SNX31: variants seen among roughly 807,000 people sequenced by gnomAD.
The protein encoded by SNX31 is sorting nexin-31.
Under a neutral mutation model 65.4 loss-of-function variants are expected in SNX31, and 58 were observed. The observed-to-expected ratio is 0.89, with a 90% CI of 0.72 to 1.10. The LOEUF is 1.10. Ranked by LOEUF, SNX31 falls within the 50% of genes least tolerant of loss-of-function variation. The pLI, the probability that SNX31 is intolerant of heterozygous loss-of-function variation, is 0.00. For synonymous variants in SNX31, 181 were observed against 190.1 expected (o/e 0.95, Z 0.39); for missense variants, 523 against 529.7 (o/e 0.99, Z 0.12).
Position 100,615,915 on chromosome 8 carries a change from A to G in SNX31, c.432+1705T>C, listed in dbSNP as rs374260583. 5.1e-3 allele frequency among the ~76,000 whole-genome samples: 769 copies of G among 149,688 alleles called. 3 individuals are homozygous for G. Among genetic ancestry groups the G allele is most frequent in the African/African-American group, 9.7e-3 (397 of 40,930 alleles). On this transcript the variant is annotated intron_variant, in intron 5 of 13. Transcript: ENST00000311812. Reference sequence around the variant, plus strand: ...CTCCTGAGTAGCTGGGACTACAGGCACCCGCCACCACGCCCGGCTAATTTT... The same window carrying G: ...CTCCTGAGTAGCTGGGACTACAGGCGCCCGCCACCACGCCCGGCTAATTTT...
chr8:100,583,112 C>CTT (rs113433451), intron 12 of SNX31, among the ~76,000 whole-genome samples: 15 of 144,300 alleles, frequency 1.0e-4, no homozygotes, highest in African/African-American at 3.8e-4. Context: ...TTCTTTCTTT[C>CTT]TTTTTTTTTT....
intron 3 of SNX31, among the ~76,000 whole-genome samples, chr8:100,635,295 G>A (rs72679788): frequency 0.028 from 4,199 of 149,688 alleles, 85 homozygotes; most frequent in Non-Finnish European, 0.043. Context: ...GCTGGAGTAC[G>A]GTGGTGCAAT....
intron 2 of SNX31, 37 bp from the exon 3 acceptor site, chr8:100,636,048 C>T (rs758487241): frequency 6.6e-7 from 1 of 1,505,438 alleles, no homozygotes; most frequent in Non-Finnish European, 9.2e-7. Flanking sequence ...GGCAGGTGAG[C>T]CGCCAGTTCA....
At chr8:100,587,650 A>G (rs1019929466) in intron 11 of SNX31, among the ~76,000 whole-genome samples, 3 of 152,220 alleles carry the variant, frequency 2.0e-5, no homozygotes, top group African/African-American at 7.2e-5. Flanking sequence ...GATGGTCCAC[A>G]TGGGTGGCTG....
chr8:100,649,691 G>A (rs1245106958), upstream of SNX31: 8 of 532,108 alleles, frequency 1.5e-5, no homozygotes, highest in East Asian at 1.8e-4. Flanking sequence ...GCCGGGCCGC[G>A]CCGCCTCCCA....
chr8:100,617,625 G>A lies in SNX31; in HGVS notation c.427C>T (p.Leu143=). 7 of 1,601,680 alleles carry A rather than the reference G, an allele frequency of 4.4e-6. No homozygotes were observed. The highest frequency in any genetic ancestry group is 6.0e-6 in the Non-Finnish European group (7 of 1,169,454). Residue 143 remains leucine (L), a synonymous_variant, in exon 5 of 14, where the codon CTA becomes TTA. Coordinates refer to ENST00000311812, the MANE Select transcript of SNX31 (RefSeq NM_152628.4). ...IITSDTAERV[L]EVVSHKIGLC... is the part of the protein sequence containing the mutation. ...GGAGTTTAAACAAAGCTTACCTCTA[G>A]GACTCTTTCAGCAGTGTCTGATGTT...
rs1285041994 is a variant in SNX31 at position 100,648,814 on chromosome 8, G to A, written c.141+460C>T. ...AACTAGAGACACACCTTTTTAAAGG[G>A]GGCAAACTTAAGAAACTCTCGAGAC... is the stretch of plus-strand genomic sequence containing the variant. On this transcript the variant is annotated intron_variant, in intron 2 of 13. Coordinates refer to ENST00000311812, the MANE Select transcript of SNX31 (RefSeq NM_152628.4). This position sits in a 1 kb window ranked among gnomAD's most constrained non-coding sequence, Gnocchi z 4.3. 6.6e-6 allele frequency among the ~76,000 whole-genome samples: 1 copy of A among 152,170 alleles called. No individual in the cohort carries two copies. The highest frequency in any genetic ancestry group is 6.5e-5 in the Admixed American group (1 of 15,276).
At chr8:100,627,988 A>G (rs1395218278) in intron 4 of SNX31, among the ~76,000 whole-genome samples, 1 of 152,214 alleles carries the variant, frequency 6.6e-6, no homozygotes, top group Non-Finnish European at 1.5e-5. Context: ...CACATGAAAA[A>G]ATGCTCATCA....
chr8:100,639,789 A>G (rs974507767), intron 2 of SNX31, among the ~76,000 whole-genome samples: 10 of 152,212 alleles, frequency 6.6e-5, no homozygotes, highest in African/African-American at 2.4e-4. Context: ...CCATTCTACA[A>G]TCAGTGCAAC....
chr8:100,630,401 A>G lies in SNX31; in HGVS notation c.257-10T>C. The G allele has an allele frequency of 6.2e-7, 1 of 1,610,944 alleles. No homozygotes were observed. The highest frequency in any genetic ancestry group is 1.1e-5 in the South Asian group (1 of 90,332). On this transcript the variant is annotated splice_polypyrimidine_tract_variant and intron_variant, in intron 3 of 13. Coordinates refer to ENST00000311812, the MANE Select transcript of SNX31 (RefSeq NM_152628.4). This position sits in a 1 kb window ranked among gnomAD's most constrained non-coding sequence, Gnocchi z 5.3. ...TTTGGGTCCATGGTTACTGAAAAAC[A>G]TGGACGGTGAGCCAGGTTAGCATGG...
intron 7 of SNX31, among the ~76,000 whole-genome samples, chr8:100,608,776 A>T (rs1816429387): frequency 6.6e-6 from 1 of 152,158 alleles, no homozygotes; most frequent in Non-Finnish European, 1.5e-5. Flanking sequence ...GGAGGGCTCT[A>T]AGAGTAAAGA....
In SNX31 at chr8:100,660,300, G is replaced by T. The variant is rs1227410364; in HGVS notation, c.-58+2842C>A. Among the ~76,000 whole-genome samples the T allele has an allele frequency of 6.6e-6, 1 of 152,208 alleles. No individual in the cohort carries two copies. The highest frequency in any genetic ancestry group is 1.9e-4 in the East Asian group (1 of 5,204). On this transcript the variant is annotated intron_variant, in intron 1 of 5. Transcript: ENST00000520352. This position sits in a 1 kb window ranked among gnomAD's most constrained non-coding sequence, Gnocchi z 4.1. ...TCAGATTAAAAAACTAAAGCAGAAAGAGGTGAGCTTGTCCCAGTCACATTG... is the reference window on the plus strand; with the variant it reads ...TCAGATTAAAAAACTAAAGCAGAAATAGGTGAGCTTGTCCCAGTCACATTG...
rs1363772453 is a variant in SNX31, at chr8:100,626,662, G to T, written c.321+3665C>A. ...GCAGCCTGTTTCAAAGTTGATTGAT[G>T]ACTTAAAGATAACTGGCAAGGGATC... On this transcript the variant is annotated intron_variant, in intron 4 of 13. Coordinates refer to ENST00000311812, the MANE Select transcript of SNX31 (RefSeq NM_152628.4). The surrounding 1 kb of genome is among the most constrained non-coding windows in gnomAD (Gnocchi z 4.4). Among the ~76,000 whole-genome samples the T allele has an allele frequency of 6.6e-6, 1 of 152,174 alleles. No homozygotes were observed. Among genetic ancestry groups the T allele is most frequent in the East Asian group, 1.9e-4 (1 of 5,202 alleles).
At chr8:100,637,434 AG>A (rs1274028459) in intron 2 of SNX31, among the ~76,000 whole-genome samples, 6 of 152,242 alleles carry the variant, frequency 3.9e-5, no homozygotes, top group African/African-American at 1.4e-4. Context: ...GGCTGCAAAC[AG>A]CAAGATTTTT....
chr8:100,574,849 G>A (rs190400551), intron 13 of SNX31, among the ~76,000 whole-genome samples: 87 of 152,212 alleles, frequency 5.7e-4, no homozygotes, highest in Admixed American at 6.5e-4. Flanking sequence ...CAGGAGGATC[G>A]CTTGAACCTG....
chr8:100,594,683 C>T lies in SNX31; in HGVS notation c.978+1956G>A, dbSNP rs774181690. 2.0e-5 allele frequency among the ~76,000 whole-genome samples: 3 copies of T among 152,212 alleles called. No homozygotes were observed. Among genetic ancestry groups the T allele is most frequent in the African/African-American group, 7.2e-5 (3 of 41,454 alleles). On this transcript the variant is annotated intron_variant, in intron 10 of 13. Transcript: ENST00000311812. The surrounding 1 kb of genome is among the most constrained non-coding windows in gnomAD (Gnocchi z 4.0). ...AGAATGCAGAAAACTGGTTCACTCACACATTGCTGGTGGGAATGTAAAATG... is the reference window on the plus strand; with the variant it reads ...AGAATGCAGAAAACTGGTTCACTCATACATTGCTGGTGGGAATGTAAAATG...
At chr8:100,655,230 A>G (rs1300520834) in intron 1 of SNX31, among the ~76,000 whole-genome samples, 1 of 151,936 alleles carries the variant, frequency 6.6e-6, no homozygotes, top group Non-Finnish European at 1.5e-5. Flanking sequence ...CTTTCTGGAG[A>G]AGGTGATGTT....
intron 2 of SNX31, among the ~76,000 whole-genome samples, chr8:100,641,258 T>C (rs1819155060): frequency 1.3e-5 from 2 of 151,992 alleles, no homozygotes; most frequent in Admixed American, 1.3e-4. Flanking sequence ...ACCTGCCAGT[T>C]GGCTGCGGTG....
intron 7 of SNX31, 146 bp from the exon 8 acceptor site, chr8:100,608,709 A>G: frequency 1.5e-6 from 1 of 676,070 alleles, no homozygotes. Context: ...CCCAGCTTTC[A>G]CTCTGCCCCT....
Sources: gnomAD v4.1 joint callset for allele counts (sites outside exome capture counted in the v4.1 genomes callset) on GRCh38, gnomAD v4.1.1 for gene constraint, Gnocchi (gnomAD v3.1) non-coding constraint, MANE v1.5 for transcripts, NCBI Gene and HGNC (gene_info 2026-07-23, HGNC 2026-07-21) for gene names.